The following RGPD2 variants were observed in gnomAD, a reference collection of about 807,000 sequenced individuals.
The protein encoded by RGPD2 is RANBP2-like and GRIP domain-containing protein 2.
A neutral mutation model predicts 36.0 loss-of-function variants in RGPD2; 2 were observed. The ratio of observed to expected loss-of-function variants is 0.06; its 90% confidence interval spans 0.02 to 0.17. The LOEUF is 0.17. Among genes scored for constraint, RGPD2 ranks in the 10% least tolerant of loss-of-function variants. The probability of loss-of-function intolerance (pLI) is 1.00; values close to 1 mark genes in which losing one functional copy is unlikely to be tolerated. For missense variants in RGPD2, 40 were observed against 464.3 expected (o/e 0.09, Z 8.40); for synonymous variants, 19 against 163.8 (o/e 0.12, Z 6.75).
chr2:87,886,283 C>G, the RGPD2 span, among the ~76,000 whole-genome samples: 1 of 151,760 alleles, frequency 6.6e-6, no homozygotes, highest in South Asian at 2.1e-4. Flanking sequence ...TACTTAAATG[C>G]CCCCTTTTCA....
the RGPD2 span, among the ~76,000 whole-genome samples, chr2:87,927,601 G>A: frequency 6.6e-6 from 1 of 151,136 alleles, no homozygotes; most frequent in African/African-American, 2.4e-5. Flanking sequence ...GTGATGGTTT[G>A]TAAACATCTA....
chr2:87,840,459 C>A, the RGPD2 span, among the ~76,000 whole-genome samples: 1 of 150,668 alleles, frequency 6.6e-6, no homozygotes, highest in Admixed American at 6.6e-5. Flanking sequence ...TTATGGCAGC[C>A]TTAGAAAGTA....
At chr2:87,841,399 C>G in the RGPD2 span, among the ~76,000 whole-genome samples, 3 of 152,086 alleles carry the variant, frequency 2.0e-5, no homozygotes, top group Non-Finnish European at 4.4e-5. Flanking sequence ...TTATAAATTA[C>G]CCAGTTTCAG....
the RGPD2 span, among the ~76,000 whole-genome samples, chr2:87,923,766 G>A: frequency 7.2e-6 from 1 of 139,698 alleles, no homozygotes; most frequent in East Asian, 2.1e-4. Flanking sequence ...GCTTTCATTG[G>A]GTGGCAACAT....
At chr2:87,875,062 C>A in the RGPD2 span, among the ~76,000 whole-genome samples, 3 of 152,236 alleles carry the variant, frequency 2.0e-5, no homozygotes, top group Non-Finnish European at 4.4e-5. Flanking sequence ...GATTTTGTAT[C>A]TAGAGACATT....
At chr2:87,955,006 TTTTTTTTTTTTTTTG>T in the RGPD2 span, among the ~76,000 whole-genome samples, 1 of 36,810 alleles carries the variant, frequency 2.7e-5, no homozygotes, top group African/African-American at 7.9e-5. Context: ...TTTTTTTTTT[TTTTTTTTTTTTTTTG>T]TTTGAGACGG....
At chr2:87,929,487 ATGTGTGTGTGTG>A in the RGPD2 span, among the ~76,000 whole-genome samples, 2 of 136,988 alleles carry the variant, frequency 1.5e-5, no homozygotes, top group Non-Finnish European at 3.2e-5. Context: ...GTGTGTGTGT[ATGTGTGTGTGTG>A]TGTGTGTGTG....
the RGPD2 span, among the ~76,000 whole-genome samples, chr2:87,880,941 A>T: frequency 2.2e-5 from 3 of 135,262 alleles, no homozygotes; most frequent in Non-Finnish European, 3.1e-5. Context: ...CTATTGAATA[A>T]ACATTTCCAT....
At chr2:87,846,151 T>C in the RGPD2 span, among the ~76,000 whole-genome samples, 2 of 151,668 alleles carry the variant, frequency 1.3e-5, no homozygotes, top group Non-Finnish European at 3.0e-5. Context: ...TTCCTATATG[T>C]GGTGTTTTTT....
At chr2:87,809,203 G>A (rs1316442291) in intron 6 of RGPD2, among the ~76,000 whole-genome samples, 1 of 151,996 alleles carries the variant, frequency 6.6e-6, no homozygotes, top group African/African-American at 2.4e-5. Context: ...TACTCGGGAG[G>A]CTGAGGCAGG....
chr2:87,930,921 T>C, the RGPD2 span, among the ~76,000 whole-genome samples: 1 of 140,086 alleles, frequency 7.1e-6, no homozygotes, highest in Admixed American at 7.3e-5. Context: ...AGTGGTAATA[T>C]CCCTTTTGTC....
the RGPD2 span, among the ~76,000 whole-genome samples, chr2:87,844,708 A>G: frequency 1.3e-5 from 2 of 151,838 alleles, no homozygotes; most frequent in African/African-American, 2.4e-5. Context: ...AGTAATTTCT[A>G]AAATTTCTTA....
chr2:87,807,371 C>T (rs60977370), intron 6 of RGPD2, among the ~76,000 whole-genome samples: 209 of 139,270 alleles, frequency 1.5e-3, no homozygotes, highest in African/African-American at 6.0e-3. Flanking sequence ...ATCATTACAG[C>T]GTTAAATTGT....
the RGPD2 span, among the ~76,000 whole-genome samples, chr2:87,843,063 A>G: frequency 2.0e-5 from 3 of 151,938 alleles, no homozygotes; most frequent in East Asian, 5.8e-4. Flanking sequence ...AATTAATTCA[A>G]GATGGATTAA....
the RGPD2 span, among the ~76,000 whole-genome samples, chr2:87,914,698 C>T: frequency 7.4e-6 from 1 of 134,760 alleles, no homozygotes; most frequent in African/African-American, 3.0e-5. Context: ...GGTCTTTGGC[C>T]TCACATATGT....
chr2:87,955,305 G>A, the RGPD2 span, among the ~76,000 whole-genome samples: 2 of 144,564 alleles, frequency 1.4e-5, no homozygotes, highest in African/African-American at 2.6e-5. Context: ...ATGAGCCACC[G>A]CGCCCGGCCG....
At chr2:87,809,784 G>A (rs1410122453) in intron 6 of RGPD2, among the ~76,000 whole-genome samples, 6 of 151,010 alleles carry the variant, frequency 4.0e-5, no homozygotes, top group Non-Finnish European at 8.9e-5. Flanking sequence ...TCCCCTGAGT[G>A]ACTCCATCCC....
the RGPD2 span, among the ~76,000 whole-genome samples, chr2:87,960,215 C>T: frequency 1.5e-4 from 22 of 151,462 alleles, no homozygotes; most frequent in Non-Finnish European, 2.8e-4. Context: ...CCTCACCAGC[C>T]CATTATTATT....
the RGPD2 span, among the ~76,000 whole-genome samples, chr2:87,887,693 TC>T: frequency 5.7e-5 from 7 of 122,638 alleles, no homozygotes; most frequent in African/African-American, 1.9e-4. Context: ...ATTTTAATTA[TC>T]ATATAAGATT....
Sources: gnomAD v4.1 joint callset for allele counts (sites outside exome capture counted in the v4.1 genomes callset) on GRCh38, gnomAD v4.1.1 for gene constraint, MANE v1.5 for transcripts, NCBI Gene and HGNC (gene_info 2026-07-23, HGNC 2026-07-21) for gene names.